Variants in S100Z observed in about 807,000 individuals in gnomAD.
The protein encoded by S100Z is S100 calcium binding protein Z.
S100Z carries 11 observed loss-of-function variants against 8.5 expected under a neutral mutation model. The observed-to-expected ratio is 1.30, with a 90% confidence interval of 0.82 to 2.15. The LOEUF is 2.15. Among genes scored for constraint, S100Z ranks in the 30% most tolerant of loss-of-function variants. The pLI is 0.00. For synonymous variants in S100Z, 34 were observed against 43.8 expected, an observed-to-expected ratio of 0.78 and a Z score of 0.89; for missense variants, 126 against 117.9, an observed-to-expected ratio of 1.07 and a Z score of -0.32.
Position 76,895,765 on chromosome 5 carries a change from C to CTTT in S100Z, c.*2+17951_*2+17953dup, listed in dbSNP as rs57723242. Reference sequence around the variant, plus strand: ...TTCCCTTTCTTTCTTTCTTTTCTTCCTTTTTTTTTTTTTTTTTTTTTTGAG... The same window carrying CTTT: ...TTCCCTTTCTTTCTTTCTTTTCTTCCTTTTTTTTTTTTTTTTTTTTTTTTTGAG... On this transcript the variant is annotated intron_variant, in intron 4 of 4. Coordinates refer to ENST00000317593, the MANE Select transcript of S100Z (RefSeq NM_130772.4). 1.2e-3 allele frequency among the ~76,000 whole-genome samples: 103 copies of CTTT among 88,360 alleles called. 2 individuals are homozygous for CTTT. Among genetic ancestry groups the CTTT allele is most frequent in the East Asian group, 4.9e-3 (13 of 2,664 alleles). 58.0% of individuals were successfully genotyped at this position (88,360 alleles called of 152,430 possible). A position where few individuals can be genotyped will look rare whatever the true frequency, so the allele number is the denominator to read the frequency against.
In S100Z at chr5:76,851,390, G is replaced by A. The variant is rs569095626; in HGVS notation, c.-176+1235G>A. ...GAAGAAGAGCAAAGTAGGTGCAGGA[G>A]GTGAGTTGGGATCTCATGCAGTAAT... On this transcript the variant is annotated intron_variant, in intron 1 of 4. Transcript: ENST00000317593. Among the ~76,000 whole-genome samples the A allele has an allele frequency of 3.3e-5, 5 of 152,274 alleles. No individual in the cohort carries two copies. The South Asian group carries it at 6.2e-4, about 19-fold the overall frequency.
At chr5:76,940,658 C>A in the S100Z span, among the ~76,000 whole-genome samples, 5 of 152,164 alleles carry the variant, frequency 3.3e-5, no homozygotes, top group Admixed American at 3.3e-4. Flanking sequence ...AGTGATCCAC[C>A]CACCACGGCC....
chr5:76,891,848 A>T (rs1743870429), intron 4 of S100Z, among the ~76,000 whole-genome samples: 1 of 152,010 alleles, frequency 6.6e-6, no homozygotes, highest in Admixed American at 6.6e-5. Context: ...GAGGGAAAGG[A>T]TGTCACCAGA....
intron 4 of S100Z, among the ~76,000 whole-genome samples, chr5:76,882,313 G>A (rs1005656179): frequency 6.6e-6 from 1 of 152,180 alleles, no homozygotes; most frequent in Non-Finnish European, 1.5e-5. Context: ...GGATAAAAAG[G>A]CTACAGGGCG....
intron 4 of S100Z, among the ~76,000 whole-genome samples, chr5:76,911,436 CCTT>C (rs1744655181): frequency 6.6e-6 from 1 of 152,312 alleles, no homozygotes; most frequent in Non-Finnish European, 1.5e-5. Context: ...CTCAAGGATG[CCTT>C]CTTCTGTATT....
the S100Z span, among the ~76,000 whole-genome samples, chr5:76,930,227 T>A: frequency 3.0e-4 from 45 of 152,354 alleles, no homozygotes; most frequent in African/African-American, 1.0e-3. Context: ...GTGATGCGTG[T>A]TAGACAGAGA....
rs1192372065 is a variant in S100Z at position 76,895,383 on chromosome 5, C to A, written c.*2+17549C>A. On this transcript the variant is annotated intron_variant, in intron 4 of 4. Coordinates refer to ENST00000317593, the MANE Select transcript of S100Z (RefSeq NM_130772.4). Reference sequence around the variant, plus strand: ...AAAGGAGGAGTTATTGCCAAACATCCCTATCAACAATTCCCAAATGATAGA... The same window carrying A: ...AAAGGAGGAGTTATTGCCAAACATCACTATCAACAATTCCCAAATGATAGA... Among the ~76,000 whole-genome samples the A allele has an allele frequency of 7.9e-5, 12 of 151,882 alleles. 1 individual carries two copies. The highest frequency in any genetic ancestry group is 1.5e-5 in the Non-Finnish European group (1 of 67,992).
the S100Z span, among the ~76,000 whole-genome samples, chr5:76,926,998 G>C: frequency 6.6e-6 from 1 of 152,222 alleles, no homozygotes; most frequent in South Asian, 2.1e-4. Context: ...ACATTCAATG[G>C]TTAGGGCAAT....
chr5:76,863,721 G>A (rs966573078), intron 1 of S100Z, among the ~76,000 whole-genome samples: 2 of 151,834 alleles, frequency 1.3e-5, no homozygotes, highest in South Asian at 4.1e-4. Context: ...TGTATTTTTA[G>A]TAGAGACGGG....
chr5:76,886,717 G>C (rs902646377), intron 4 of S100Z, among the ~76,000 whole-genome samples: 2 of 152,216 alleles, frequency 1.3e-5, no homozygotes, highest in Admixed American at 6.5e-5. Context: ...ATTATCATTA[G>C]TTCTTATAGG....
downstream of S100Z, among the ~76,000 whole-genome samples, chr5:76,926,074 G>C (rs898360208): frequency 6.6e-6 from 1 of 152,174 alleles, no homozygotes; most frequent in Non-Finnish European, 1.5e-5. Flanking sequence ...GGCTACAAAG[G>C]ACAGCTGGGA....
At chr5:76,875,124 C>A (rs1220831997) in intron 2 of S100Z, among the ~76,000 whole-genome samples, 180 bp from the exon 3 acceptor site, 1 of 152,178 alleles carries the variant, frequency 6.6e-6, no homozygotes, top group Non-Finnish European at 1.5e-5. Context: ...ATCTTCTGAC[C>A]TTGTGATCCA....
chr5:76,874,835 A>C (rs1288352414), intron 2 of S100Z, among the ~76,000 whole-genome samples: 1 of 152,266 alleles, frequency 6.6e-6, no homozygotes, highest in African/African-American at 2.4e-5. Flanking sequence ...GCTTATTTGC[A>C]GCTTGCCCCA....
chr5:76,927,759 C>T, the S100Z span, among the ~76,000 whole-genome samples: 1 of 152,184 alleles, frequency 6.6e-6, no homozygotes, highest in Non-Finnish European at 1.5e-5. Flanking sequence ...CATTTAGGTC[C>T]AGCCTCATTC....
intron 4 of S100Z, among the ~76,000 whole-genome samples, chr5:76,884,661 A>G (rs1195073680): frequency 1.3e-5 from 2 of 152,198 alleles, no homozygotes; most frequent in Non-Finnish European, 2.9e-5. Context: ...CACGTCTTTA[A>G]GAGGAAATAG....
intron 4 of S100Z, among the ~76,000 whole-genome samples, chr5:76,913,707 T>C (rs1744749587): frequency 6.6e-6 from 1 of 152,198 alleles, no homozygotes; most frequent in Non-Finnish European, 1.5e-5. Context: ...CCAAATAGAC[T>C]CTTCGGCGGC....
intron 4 of S100Z, among the ~76,000 whole-genome samples, chr5:76,891,972 A>G (rs945872433): frequency 1.3e-5 from 2 of 152,188 alleles, no homozygotes; most frequent in Non-Finnish European, 2.9e-5. Flanking sequence ...GGTACTTATC[A>G]AACATTAGGA....
intron 4 of S100Z, among the ~76,000 whole-genome samples, chr5:76,886,981 G>T (rs539115092): frequency 2.6e-5 from 4 of 152,312 alleles, no homozygotes; most frequent in South Asian, 2.1e-4. Flanking sequence ...GCAGGTCACA[G>T]GGGATATGAT....
At chr5:76,942,301 G>A in the S100Z span, among the ~76,000 whole-genome samples, 9 of 151,634 alleles carry the variant, frequency 5.9e-5, no homozygotes, top group East Asian at 1.9e-4. Context: ...TAGTAGAGAC[G>A]GGGTTTCACC....
Sources: gnomAD v4.1 joint callset for allele counts (sites outside exome capture counted in the v4.1 genomes callset) on GRCh38, gnomAD v4.1.1 for gene constraint, MANE v1.5 for transcripts, NCBI Gene and HGNC (gene_info 2026-07-23, HGNC 2026-07-21) for gene names.